Variants in LRP1B observed in about 807,000 individuals in gnomAD.
The protein encoded by LRP1B is low-density lipoprotein receptor-related protein 1B.
LRP1B carries 217 observed loss-of-function variants against 556.6 expected under a neutral mutation model. The ratio of observed to expected loss-of-function variants is 0.39; its 90% CI spans 0.35 to 0.44. The LOEUF is 0.44. Among genes scored for constraint, LRP1B ranks in the 20% least tolerant of loss-of-function variants. The probability of loss-of-function intolerance (pLI) is 1.00; values close to 1 mark genes in which losing one functional copy is unlikely to be tolerated. For missense variants in LRP1B, 5,053 were observed against 5,620.8 expected (o/e 0.90, Z 3.23); for synonymous variants, 2,047 against 1,865.8 (o/e 1.10, Z -2.50).
rs368355196 is a variant in LRP1B at position 141,858,146 on chromosome 2, C to T, written c.83-47745G>A. On this transcript the variant is annotated intron_variant, in intron 1 of 90. Coordinates refer to ENST00000389484, the MANE Select transcript of LRP1B (RefSeq NM_018557.3). ...GATCTTCAGGAAAAAAAAATACCTG[C>T]GTTAAATTTTGACTGCCAAGTTTTG... is the stretch of plus-strand genomic sequence containing the variant. Among the ~76,000 whole-genome samples, 33 of 152,170 alleles carry T rather than the reference C, an allele frequency of 2.2e-4. 1 individual carries two copies. The highest frequency in any genetic ancestry group is 2.1e-3 in the East Asian group (11 of 5,166).
chr2:140,767,148 C>T (rs960718100), intron 35 of LRP1B, among the ~76,000 whole-genome samples: 4 of 151,738 alleles, frequency 2.6e-5, no homozygotes, highest in Non-Finnish European at 5.9e-5. Context: ...GCCTGTAGAT[C>T]TCTAACCTTC....
chr2:141,940,010 A>AT (rs1700749483), intron 1 of LRP1B, among the ~76,000 whole-genome samples: 1 of 98,778 alleles, frequency 1.0e-5, no homozygotes, highest in East Asian at 3.7e-4. Context: ...GATAAACATT[A>AT]AATCTCAAGT....
chr2:142,128,260 A>T (rs1300765675), intron 1 of LRP1B, among the ~76,000 whole-genome samples: 1 of 152,170 alleles, frequency 6.6e-6, no homozygotes, highest in East Asian at 1.9e-4. Context: ...TATAGTTCAT[A>T]CAGTTTGAGA....
intron 3 of LRP1B, among the ~76,000 whole-genome samples, chr2:141,372,359 CTTTG>C (rs1021330974): frequency 6.6e-6 from 1 of 151,894 alleles, no homozygotes; most frequent in Non-Finnish European, 1.5e-5. Flanking sequence ...TTTGTTATAT[CTTTG>C]TTTGGGTTTC....
At chr2:141,970,297 C>T (rs943834677) in intron 1 of LRP1B, among the ~76,000 whole-genome samples, 1 of 151,182 alleles carries the variant, frequency 6.6e-6, no homozygotes, top group African/African-American at 2.4e-5. Context: ...ATGAAAAATA[C>T]ATTTTGTTTT....
At chr2:141,133,509 ACC>A (rs1482134637) in intron 7 of LRP1B, among the ~76,000 whole-genome samples, 31 of 152,002 alleles carry the variant, frequency 2.0e-4, no homozygotes, top group African/African-American at 7.5e-4. Flanking sequence ...TGAGAATAGG[ACC>A]TACTTCATAA....
In LRP1B at chr2:141,042,924, G is replaced by A. The variant is rs372826492; in HGVS notation, c.1789+6062C>T. On this transcript the variant is annotated intron_variant, in intron 11 of 90. Transcript: ENST00000389484. ...TTTACGTAAAATTATAAAAATCACCGTTGGGGACTGTAATCCCAGCACTTT... is the reference window on the plus strand; with the variant it reads ...TTTACGTAAAATTATAAAAATCACCATTGGGGACTGTAATCCCAGCACTTT... Among the ~76,000 whole-genome samples, 67 of 149,632 alleles carry A rather than the reference G, an allele frequency of 4.5e-4. 1 individual carries two copies. Among genetic ancestry groups the A allele is most frequent in the East Asian group, 2.1e-3 (11 of 5,134 alleles).
At chr2:140,456,385 T>C (rs1687107408) in intron 62 of LRP1B, 70 bp downstream of exon 62, 2 of 1,446,344 alleles carry the variant, frequency 1.4e-6, no homozygotes, top group South Asian at 1.4e-5. Flanking sequence ...GATCATTCAA[T>C]GTTATGCTAA....
chr2:140,678,918 C>T (rs567554760), intron 41 of LRP1B, among the ~76,000 whole-genome samples: 55 of 152,258 alleles, frequency 3.6e-4, no homozygotes, highest in Middle Eastern at 6.8e-3. Context: ...GCTGGGATTA[C>T]AGGCACCTGC....
Position 141,489,504 on chromosome 2 carries a change from G to A in LRP1B, c.206-8971C>T, listed in dbSNP as rs572058548. Among the ~76,000 whole-genome samples the A allele has an allele frequency of 1.2e-4, 18 of 151,866 alleles. No individual in the cohort carries two copies. The South Asian group carries it at 2.7e-3, about 23-fold the overall frequency. ...GACCACTTACAAGACTATCAAGAAT[G>A]TGAACAACATCATTTACTCAATGTT... On this transcript the variant is annotated intron_variant, in intron 2 of 90. Coordinates refer to ENST00000389484, the MANE Select transcript of LRP1B (RefSeq NM_018557.3).
At chr2:140,825,246 A>G (rs28578818) in intron 31 of LRP1B, among the ~76,000 whole-genome samples, 3,422 of 152,234 alleles carry the variant, frequency 0.022, 58 homozygotes, top group Non-Finnish European at 0.033. Flanking sequence ...ATAACTTGTT[A>G]AAATGTAATA....
intron 41 of LRP1B, among the ~76,000 whole-genome samples, chr2:140,614,215 C>A (rs1416948568): frequency 6.6e-6 from 1 of 152,040 alleles, no homozygotes; most frequent in Admixed American, 6.6e-5. Flanking sequence ...TTATGCTGCA[C>A]CTTACCCCTA....
chr2:140,826,894 A>G (rs1559141803), intron 31 of LRP1B, among the ~76,000 whole-genome samples: 1 of 151,944 alleles, frequency 6.6e-6, no homozygotes. Context: ...ACCAAATAAA[A>G]GTAGCTATTT....
intron 35 of LRP1B, among the ~76,000 whole-genome samples, chr2:140,757,591 C>G (rs1231893912): frequency 6.6e-6 from 1 of 152,164 alleles, no homozygotes; most frequent in East Asian, 1.9e-4. Context: ...TCTGTAGAGA[C>G]AGAAAGCAGG....
intron 2 of LRP1B, among the ~76,000 whole-genome samples, chr2:141,722,368 A>T (rs1029623742): frequency 6.6e-6 from 1 of 151,722 alleles, no homozygotes; most frequent in African/African-American, 2.4e-5. Context: ...ACAGAGTGAG[A>T]CTCCATCTTG....
rs1229031613 is a variant in LRP1B, at chr2:141,639,324, A to G, written c.206-158791T>C. Among the ~76,000 whole-genome samples, 199 of 23,806 alleles carry G rather than the reference A, an allele frequency of 8.4e-3. 5 individuals are homozygous for G. The highest frequency in any genetic ancestry group is 0.011 in the Non-Finnish European group (131 of 11,930). The allele number at this position is 23,806 out of a possible 152,430, so 15.6% of individuals were successfully genotyped here. A position where few individuals can be genotyped will look rare whatever the true frequency, so the allele number is the denominator to read the frequency against. On this transcript the variant is annotated intron_variant, in intron 2 of 90. Transcript: ENST00000389484. ...TGTGTGTATATATATATATATATAT[A>G]TATATATATATATATATATATATAT...
At chr2:141,071,145 AG>A (rs1699629198) in intron 7 of LRP1B, among the ~76,000 whole-genome samples, 1 of 151,510 alleles carries the variant, frequency 6.6e-6, no homozygotes, top group Non-Finnish European at 1.5e-5. Context: ...CACATCAAAA[AG>A]CTTATCCACC....
chr2:140,641,369 T>G (rs548027644), intron 41 of LRP1B, among the ~76,000 whole-genome samples: 1 of 152,304 alleles, frequency 6.6e-6, no homozygotes, highest in Admixed American at 6.5e-5. Context: ...AGGTTTTACT[T>G]TTAGTTTCAT....
chr2:140,647,748 C>T (rs1684535033), intron 41 of LRP1B, among the ~76,000 whole-genome samples: 1 of 152,198 alleles, frequency 6.6e-6, no homozygotes, highest in Non-Finnish European at 1.5e-5. Flanking sequence ...GATACCATCT[C>T]ACACCAGTTA....
Sources: allele counts gnomAD v4.1 joint callset (sites outside exome capture counted in the v4.1 genomes callset), GRCh38; gene constraint gnomAD v4.1.1; transcripts MANE v1.5; gene names NCBI Gene and HGNC (gene_info 2026-07-23, HGNC 2026-07-21).